NEGR1: variants seen among roughly 807,000 people sequenced by gnomAD.
NEGR1 encodes the protein neuronal growth regulator 1.
Under a neutral mutation model 40.9 loss-of-function variants are expected in NEGR1, and 10 were observed. The observed-to-expected ratio is 0.24, with a 90% CI of 0.15 to 0.42. NEGR1 has a LOEUF of 0.42. Ranked by LOEUF, NEGR1 falls within the 10% of genes least tolerant of loss-of-function variation. The pLI, the probability that NEGR1 is intolerant of heterozygous loss-of-function variation, is 1.00. For synonymous variants in NEGR1, 185 were observed against 166.8 expected (o/e 1.11, Z -0.84); for missense variants, 352 against 438.9 (o/e 0.80, Z 1.77).
In NEGR1 at chr1:71,771,699, C is replaced by CAAAA. The variant is rs60830449; in HGVS notation, c.535+4469_535+4472dup. Among the ~76,000 whole-genome samples the CAAAA allele has an allele frequency of 2.1e-3, 26 of 12,096 alleles. 8 individuals carry two copies. The highest frequency in any genetic ancestry group is 3.5e-3 in the Non-Finnish European group (22 of 6,212). The allele number at this position is 12,096 out of a possible 152,430, so 7.9% of individuals were successfully genotyped here. On this transcript the variant is annotated intron_variant, in intron 3 of 6. Coordinates refer to ENST00000357731, the MANE Select transcript of NEGR1 (RefSeq NM_173808.3). ...GGGTAACAAAAGCAAGACTTAGTCT[C>CAAAA]AAAAAAAAAAAAAAAAAAAAAAAGG...
chr1:72,003,181 T>C (rs1646572810), intron 1 of NEGR1, among the ~76,000 whole-genome samples: 1 of 152,000 alleles, frequency 6.6e-6, no homozygotes, highest in East Asian at 1.9e-4. Context: ...GTGCTTGAGG[T>C]TTCCTTTAAG....
At chr1:71,763,998 A>ACAGATTATT (rs977180343) in intron 3 of NEGR1, among the ~76,000 whole-genome samples, 2 of 152,164 alleles carry the variant, frequency 1.3e-5, no homozygotes, top group African/African-American at 4.8e-5. Flanking sequence ...ATAAAGAAGA[A>ACAGATTATT]CAGATTATTT....
chr1:71,596,428 T>C (rs1649715128), intron 5 of NEGR1, among the ~76,000 whole-genome samples: 1 of 152,244 alleles, frequency 6.6e-6, no homozygotes, highest in Non-Finnish European at 1.5e-5. Context: ...TAGTCCCCTA[T>C]ATTTTCTAGT....
intron 2 of NEGR1, among the ~76,000 whole-genome samples, chr1:71,931,427 C>T (rs752391812): frequency 7.2e-5 from 11 of 152,094 alleles, no homozygotes; most frequent in Non-Finnish European, 1.6e-4. Context: ...TTTCCCAGAT[C>T]GGGTAATTTA....
At chr1:71,480,273 G>A (rs1171345433) in intron 6 of NEGR1, among the ~76,000 whole-genome samples, 1 of 151,750 alleles carries the variant, frequency 6.6e-6, no homozygotes, top group Non-Finnish European at 1.5e-5. Context: ...CCCAATTTTG[G>A]AGACAAAGAA....
intron 1 of NEGR1, among the ~76,000 whole-genome samples, chr1:72,250,134 T>G (rs2100528755): frequency 6.6e-6 from 1 of 152,264 alleles, no homozygotes; most frequent in African/African-American, 2.4e-5. Flanking sequence ...ATCAGAGCAA[T>G]TATTGAGTTT....
chr1:71,496,529 C>G (rs996557255), intron 6 of NEGR1, among the ~76,000 whole-genome samples: 1 of 152,026 alleles, frequency 6.6e-6, no homozygotes, highest in Admixed American at 6.6e-5. Context: ...TTTTACTTCT[C>G]TGAGAGCTGT....
At chr1:72,029,382 T>G (rs1002315426) in intron 1 of NEGR1, among the ~76,000 whole-genome samples, 1 of 152,170 alleles carries the variant, frequency 6.6e-6, no homozygotes. Context: ...AGTATTGTTT[T>G]TATAATGATC....
chr1:71,484,388 A>G (rs1646874276), intron 6 of NEGR1, among the ~76,000 whole-genome samples: 2 of 151,646 alleles, frequency 1.3e-5, no homozygotes, highest in African/African-American at 2.4e-5. Context: ...ATGCATCTAT[A>G]TAAAACAAAG....
intron 1 of NEGR1, among the ~76,000 whole-genome samples, chr1:72,108,936 C>T (rs1288810619): frequency 6.6e-6 from 1 of 151,520 alleles, no homozygotes. Context: ...AAACACAACG[C>T]TACTTAATAG....
chr1:72,034,143 T>A (rs75505986), intron 1 of NEGR1, among the ~76,000 whole-genome samples: 3,482 of 152,074 alleles, frequency 0.023, 121 homozygotes, highest in African/African-American at 0.079. Flanking sequence ...ATGTGTAGAA[T>A]TTTTTTTGGT....
chr1:72,020,915 G>A (rs998494453), intron 1 of NEGR1, among the ~76,000 whole-genome samples: 2 of 152,086 alleles, frequency 1.3e-5, no homozygotes, highest in Non-Finnish European at 2.9e-5. Flanking sequence ...AAAGAAAAAA[G>A]TCAAGAAAGC....
intron 6 of NEGR1, among the ~76,000 whole-genome samples, chr1:71,432,062 G>A (rs1646473235): frequency 6.6e-6 from 1 of 152,112 alleles, no homozygotes; most frequent in Non-Finnish European, 1.5e-5. Context: ...TGATGTCGTA[G>A]ATCAAGGGAC....
chr1:72,224,245 C>G (rs757954860), intron 1 of NEGR1, among the ~76,000 whole-genome samples: 1 of 151,506 alleles, frequency 6.6e-6, no homozygotes, highest in Non-Finnish European at 1.5e-5. Flanking sequence ...TAAAATTTAT[C>G]TTGAGAACTA....
At chr1:71,629,076 G>A (rs575564969) in intron 4 of NEGR1, among the ~76,000 whole-genome samples, 19 of 151,986 alleles carry the variant, frequency 1.3e-4, no homozygotes, top group Non-Finnish European at 2.7e-4. Flanking sequence ...TCCAGCTTCT[G>A]TTGCTTCCTT....
At chr1:71,572,864 GAA>G (rs1282363722) in intron 6 of NEGR1, among the ~76,000 whole-genome samples, 6 of 151,996 alleles carry the variant, frequency 3.9e-5, no homozygotes, top group Non-Finnish European at 8.8e-5. Flanking sequence ...AGTAATCAAT[GAA>G]TAGTCGATAA....
At chr1:71,567,529 A>C (rs1165994767) in intron 6 of NEGR1, among the ~76,000 whole-genome samples, 1 of 152,114 alleles carries the variant, frequency 6.6e-6, no homozygotes. Flanking sequence ...TTCTGATTTC[A>C]TGATACTTAG....
intron 1 of NEGR1, among the ~76,000 whole-genome samples, chr1:72,040,148 T>C (rs1037780793): frequency 2.6e-5 from 4 of 152,010 alleles, no homozygotes; most frequent in African/African-American, 2.4e-5. Flanking sequence ...TTCTCTAGTA[T>C]GTATTACAAT....
At chr1:71,589,076 C>A (rs1261276284) in intron 6 of NEGR1, among the ~76,000 whole-genome samples, 1 of 152,170 alleles carries the variant, frequency 6.6e-6, no homozygotes, top group Non-Finnish European at 1.5e-5. Context: ...GGCTTCTACT[C>A]TCAGTTTTAC....
Sources: allele counts gnomAD v4.1 joint callset (sites outside exome capture counted in the v4.1 genomes callset), GRCh38; gene constraint gnomAD v4.1.1; transcripts MANE v1.5; gene names NCBI Gene and HGNC (gene_info 2026-07-23, HGNC 2026-07-21).